The following PLCB4 variants were observed in gnomAD, a reference collection of about 807,000 sequenced individuals.
PLCB4 encodes phospholipase C beta 4.
A neutral mutation model predicts 178.8 loss-of-function variants in PLCB4; 77 were observed. The ratio of observed to expected loss-of-function variants is 0.43; its 90% confidence interval spans 0.36 to 0.52. The LOEUF is 0.52. Among genes scored for constraint, PLCB4 ranks in the 20% least tolerant of loss-of-function variants. The probability of loss-of-function intolerance (pLI) is 0.00; values close to 1 mark genes in which losing one functional copy is unlikely to be tolerated. For synonymous variants in PLCB4, 496 were observed against 490.8 expected (o/e 1.01, Z -0.14); for missense variants, 1,024 against 1,453.4 (o/e 0.70, Z 4.80).
intron 4 of PLCB4, among the ~76,000 whole-genome samples, chr20:9,317,588 G>A (rs1174839475): frequency 6.6e-6 from 1 of 152,174 alleles, no homozygotes; most frequent in Non-Finnish European, 1.5e-5. Context: ...AAGGATGCAA[G>A]AAGGACGTCT....
chr20:9,180,208 AT>A (rs1290230603), intron 2 of PLCB4, among the ~76,000 whole-genome samples: 1 of 152,122 alleles, frequency 6.6e-6, no homozygotes, highest in Admixed American at 6.5e-5. Context: ...CATAATAAAA[AT>A]TTTTCTGCCT....
In PLCB4 at chr20:9,371,188, G is replaced by C; in HGVS notation, c.504-26G>C. 2.9e-6 allele frequency: 4 copies of C among 1,380,722 alleles called. No individual in the cohort carries two copies. In the South Asian group the frequency reaches 4.6e-5, roughly 16 times the overall value. The allele number at this position is 1,380,722 out of a possible 1,614,324, so 85.5% of individuals were successfully genotyped here. A position where few individuals can be genotyped will look rare whatever the true frequency, so the allele number is the denominator to read the frequency against. On this transcript the variant is annotated intron_variant, in intron 9 of 39. Coordinates refer to ENST00000378473, the MANE Select transcript of PLCB4 (RefSeq NM_001377142.1). ...AAACATAATGAACAATAACTGGAAT[G>C]TGTGTTTCTTTCTTTTCTGCCCTAG...
chr20:9,256,173 C>G (rs1209443476), intron 3 of PLCB4, among the ~76,000 whole-genome samples: 1 of 152,140 alleles, frequency 6.6e-6, no homozygotes, highest in Non-Finnish European at 1.5e-5. Flanking sequence ...AACAGCAAAG[C>G]ATTGGAACAC....
chr20:9,329,148 T>C (rs2031231404), intron 4 of PLCB4, among the ~76,000 whole-genome samples: 1 of 152,216 alleles, frequency 6.6e-6, no homozygotes, highest in African/African-American at 2.4e-5. Flanking sequence ...AGCCTCCGTG[T>C]TGAACATACC....
chr20:9,107,671 T>C (rs936669664), intron 2 of PLCB4, among the ~76,000 whole-genome samples: 2 of 151,084 alleles, frequency 1.3e-5, no homozygotes, highest in Admixed American at 6.6e-5. Flanking sequence ...GGGAGGAGGG[T>C]CTTATAGTCT....
At chr20:9,412,456 G>A (rs764923508) in intron 25 of PLCB4, among the ~76,000 whole-genome samples, 68 of 151,980 alleles carry the variant, frequency 4.5e-4, no homozygotes, top group Admixed American at 1.2e-3. Context: ...AAATGAAGAC[G>A]GTGACACCTG....
chr20:9,321,889 C>G (rs2094962198), intron 4 of PLCB4, among the ~76,000 whole-genome samples: 1 of 152,024 alleles, frequency 6.6e-6, no homozygotes. Flanking sequence ...GCCTCAGCCT[C>G]CCAAAGTGCT....
chr20:9,236,147 A>T (rs907467934), intron 3 of PLCB4, among the ~76,000 whole-genome samples: 2 of 152,006 alleles, frequency 1.3e-5, no homozygotes, highest in African/African-American at 4.8e-5. Flanking sequence ...CCTTAGATTA[A>T]TTTTGTCTCT....
Position 9,228,796 on chromosome 20 carries a change from T to A in PLCB4, c.-16+11344T>A, listed in dbSNP as rs62194807. Reference sequence around the variant, plus strand: ...ACAAACTAAAGGAGGAAGAAAGAAATGGGCTAGGGCAGAAGGCCCAGGGCC... The same window carrying A: ...ACAAACTAAAGGAGGAAGAAAGAAAAGGGCTAGGGCAGAAGGCCCAGGGCC... On this transcript the variant is annotated intron_variant, in intron 3 of 39. Transcript: ENST00000378473. Among the ~76,000 whole-genome samples the A allele has an allele frequency of 4.1e-3, 626 of 152,194 alleles. 1 individual carries two copies. The highest frequency in any genetic ancestry group is 7.5e-3 in the Non-Finnish European group (511 of 67,998).
At chr20:9,215,912 A>T (rs570689141) in intron 2 of PLCB4, among the ~76,000 whole-genome samples, 1 of 152,290 alleles carries the variant, frequency 6.6e-6, no homozygotes, top group South Asian at 2.1e-4. Context: ...CAGACTTTTT[A>T]AATTAATAAA....
chr20:9,175,665 A>C (rs1039745325), intron 2 of PLCB4, among the ~76,000 whole-genome samples: 7 of 152,108 alleles, frequency 4.6e-5, no homozygotes, highest in Non-Finnish European at 8.8e-5. Context: ...ACTCACTGAA[A>C]TCTTTAAAAT....
At chr20:9,408,320 G>A (rs1381922250) in intron 22 of PLCB4, among the ~76,000 whole-genome samples, 3 of 152,114 alleles carry the variant, frequency 2.0e-5, no homozygotes, top group Non-Finnish European at 4.4e-5. Flanking sequence ...GTTCCCAAGT[G>A]CATTCACAAG....
At chr20:9,334,888 T>C (rs190081634) in intron 4 of PLCB4, among the ~76,000 whole-genome samples, 1 of 152,090 alleles carries the variant, frequency 6.6e-6, no homozygotes, top group Non-Finnish European at 1.5e-5. Context: ...TGGCAAGCTC[T>C]AGGGGTACTC....
intron 3 of PLCB4, among the ~76,000 whole-genome samples, chr20:9,253,655 C>T (rs1446467356): frequency 6.6e-6 from 1 of 152,112 alleles, no homozygotes; most frequent in Non-Finnish European, 1.5e-5. Context: ...ATGATAAGCT[C>T]AAATGAGGTA....
chr20:9,400,918 A>G (rs573258053), intron 19 of PLCB4, among the ~76,000 whole-genome samples: 9 of 152,232 alleles, frequency 5.9e-5, no homozygotes, highest in African/African-American at 2.2e-4. Flanking sequence ...GAGCCTGACA[A>G]ATGAGCCCTG....
chr20:9,100,315 T>C (rs1175728115), intron 2 of PLCB4, among the ~76,000 whole-genome samples: 1 of 152,196 alleles, frequency 6.6e-6, no homozygotes, highest in Non-Finnish European at 1.5e-5. Flanking sequence ...TAGTCTCCCT[T>C]GTTCTAATGG....
At chr20:9,173,680 G>A (rs1470297921) in intron 2 of PLCB4, among the ~76,000 whole-genome samples, 1 of 152,006 alleles carries the variant, frequency 6.6e-6, no homozygotes, top group Non-Finnish European at 1.5e-5. Flanking sequence ...GTCTTTCTTT[G>A]ATCCTTCTTC....
chr20:9,270,316 CTGT>C (rs1332317445), intron 3 of PLCB4, among the ~76,000 whole-genome samples: 1 of 152,054 alleles, frequency 6.6e-6, no homozygotes, highest in African/African-American at 2.4e-5. Flanking sequence ...AAATTCTTGT[CTGT>C]TGTTTGTCTG....
In PLCB4 at chr20:9,175,072, C is replaced by T. The variant is rs542900812; in HGVS notation, c.-78-42318C>T. On this transcript the variant is annotated intron_variant, in intron 2 of 39. Transcript: ENST00000378473. ...ATAGTAGGACATAGGTCCAGAAGAC[C>T]GGGTATACAGCATTGGTTGTCACCA... is the stretch of plus-strand genomic sequence containing the variant. Among the ~76,000 whole-genome samples the T allele has an allele frequency of 4.7e-4, 71 of 152,140 alleles. 1 individual carries two copies. Among genetic ancestry groups the T allele is most frequent in the Middle Eastern group, 6.8e-3 (2 of 294 alleles).
Sources: gnomAD v4.1 joint callset for allele counts (sites outside exome capture counted in the v4.1 genomes callset) on GRCh38, gnomAD v4.1.1 for gene constraint, MANE v1.5 for transcripts, NCBI Gene and HGNC (gene_info 2026-07-23, HGNC 2026-07-21) for gene names.